PLEKHA6: variants seen among roughly 807,000 people sequenced by gnomAD.
PLEKHA6 encodes the protein pleckstrin homology domain-containing family A member 6.
A neutral mutation model predicts 116.7 loss-of-function variants in PLEKHA6; 60 were observed. That is an observed-to-expected ratio of 0.51 (90% confidence interval 0.42 to 0.64). The LOEUF (loss-of-function observed/expected upper bound fraction) is 0.64. Among genes scored for constraint, PLEKHA6 ranks in the 30% least tolerant of loss-of-function variants. The pLI is 0.00. For missense variants in PLEKHA6, 1,338 were observed against 1,422.7 expected, an observed-to-expected ratio of 0.94 and a Z score of 0.96; for synonymous variants, 489 against 556.1, an observed-to-expected ratio of 0.88 and a Z score of 1.70.
chr1:204,290,988 CAAA>C (rs34983026), intron 1 of PLEKHA6, among the ~76,000 whole-genome samples: 6 of 113,318 alleles, frequency 5.3e-5, no homozygotes, highest in Non-Finnish European at 6.9e-5. Context: ...GACCCTGTCT[CAAA>C]AAAAAAAAAA....
chr1:204,278,149 T>C (rs917298859), intron 1 of PLEKHA6, among the ~76,000 whole-genome samples: 2 of 152,240 alleles, frequency 1.3e-5, no homozygotes, highest in Non-Finnish European at 2.9e-5. Context: ...CCTTTCCTAA[T>C]GTCCTTCATG....
intron 17 of PLEKHA6, among the ~76,000 whole-genome samples, chr1:204,237,653 T>C (rs1172831705): frequency 6.6e-6 from 1 of 152,208 alleles, no homozygotes; most frequent in African/African-American, 2.4e-5. Context: ...CAAATGCTCT[T>C]TTTTCCATTC....
chr1:204,245,566 A>G (rs371499386), intron 14 of PLEKHA6, 49 bp downstream of exon 14: 8 of 1,083,336 alleles, frequency 7.4e-6, no homozygotes, highest in Non-Finnish European at 1.1e-5. Flanking sequence ...ATACTGGAGC[A>G]CTCCTGGTGA....
chr1:204,351,789 C>T (rs546575085), intron 1 of PLEKHA6, among the ~76,000 whole-genome samples: 2 of 152,292 alleles, frequency 1.3e-5, no homozygotes, highest in South Asian at 2.1e-4. Flanking sequence ...ATTCCTTCAG[C>T]TCCTGCCCTC....
At chr1:204,351,331 A>C (rs1456236763) in intron 1 of PLEKHA6, among the ~76,000 whole-genome samples, 1 of 152,138 alleles carries the variant, frequency 6.6e-6, no homozygotes, top group South Asian at 2.1e-4. Flanking sequence ...CGTCCTCCCC[A>C]GTTCCATCAC....
At chr1:204,361,864 T>A (rs964699143), upstream of PLEKHA6, among the ~76,000 whole-genome samples, 4 of 151,398 alleles carry the variant, frequency 2.6e-5, no homozygotes, top group African/African-American at 9.7e-5. Flanking sequence ...GATTACAGCA[T>A]CCCAGAGGGA....
intron 1 of PLEKHA6, among the ~76,000 whole-genome samples, chr1:204,312,430 A>G (rs1315310823): frequency 2.0e-5 from 3 of 152,192 alleles, no homozygotes; most frequent in Non-Finnish European, 4.4e-5. Context: ...CGGCAGAGTG[A>G]CACCTTTCTG....
At chr1:204,266,790 C>G (rs1437972427) in intron 5 of PLEKHA6, among the ~76,000 whole-genome samples, 5 of 152,220 alleles carry the variant, frequency 3.3e-5, no homozygotes, top group Non-Finnish European at 7.3e-5. Flanking sequence ...ATTGTACCCT[C>G]TCTCCTCTCA....
At chr1:204,348,058 C>T (rs960985344) in intron 1 of PLEKHA6, among the ~76,000 whole-genome samples, 7 of 152,166 alleles carry the variant, frequency 4.6e-5, no homozygotes, top group Non-Finnish European at 8.8e-5. Flanking sequence ...CCTAGTCGCA[C>T]ACACCCACCA....
At chr1:204,299,719 T>C (rs1234404370) in intron 1 of PLEKHA6, 9 of 726,510 alleles carry the variant, frequency 1.2e-5, no homozygotes, top group Non-Finnish European at 1.3e-5. Context: ...ATGTCTTCTT[T>C]AGAAAGGCCT....
At chr1:204,313,507 T>C (rs1325922073) in intron 1 of PLEKHA6, 1 of 941,202 alleles carries the variant, frequency 1.1e-6, no homozygotes, top group Non-Finnish European at 1.3e-6. Context: ...CAGCCAGGAG[T>C]TCAGAGCTCA....
rs115673265 is a variant in PLEKHA6, at chr1:204,341,626, G to C, written c.-95+18068C>G. Among the ~76,000 whole-genome samples the C allele has an allele frequency of 2.2e-3, 331 of 152,278 alleles. 1 individual carries two copies. Among genetic ancestry groups the C allele is most frequent in the African/African-American group, 7.5e-3 (313 of 41,538 alleles). The stretch of plus-strand genomic sequence containing the variant: ...TGCTGTGGTCTACATTTTCATCCAT[G>C]ATTTGCATAAAGACTTAGAAGGCAT... On this transcript the variant is annotated intron_variant, in intron 1 of 22. Coordinates refer to ENST00000272203, the MANE Select transcript of PLEKHA6 (RefSeq NM_014935.5).
chr1:204,373,966 C>T (rs1673822716), intron 1 of PLEKHA6, among the ~76,000 whole-genome samples: 1 of 152,120 alleles, frequency 6.6e-6, no homozygotes, highest in East Asian at 1.9e-4. Flanking sequence ...GAAAGTCAGC[C>T]AGTGCCCTCA....
Position 204,219,093 on chromosome 1 carries a change from C to G in PLEKHA6, c.*3695G>C, listed in dbSNP as rs779480876. The G allele has an allele frequency of 3.3e-5, 5 of 152,512 alleles. No homozygotes were observed. Among genetic ancestry groups the G allele is most frequent in the East Asian group, 1.9e-4 (1 of 5,188 alleles). The allele number at this position is 152,512 out of a possible 1,614,324, so 9.4% of individuals were successfully genotyped here. A position where few individuals can be genotyped will look rare whatever the true frequency, so the allele number is the denominator to read the frequency against. ...CCTGACAGAGATTCCATCTATCTAA[C>G]CTTCACCCTTCTTCTAAGGCCACTT... On this transcript the variant is annotated 3_prime_UTR_variant, in exon 23 of 23. Transcript: ENST00000272203.
chr1:204,358,871 G>A (rs922392324), intron 1 of PLEKHA6, among the ~76,000 whole-genome samples: 16 of 151,614 alleles, frequency 1.1e-4, no homozygotes, highest in Non-Finnish European at 1.9e-4. Context: ...CATTTCCCAG[G>A]AGCCTCTTCT....
At chr1:204,264,827 C>A in intron 6 of PLEKHA6, 115 bp downstream of exon 6, 1 of 804,036 alleles carries the variant, frequency 1.2e-6, no homozygotes, top group South Asian at 1.4e-5. Context: ...CTGCTATGGC[C>A]ACCACCACCT....
At chr1:204,367,477 T>G (rs529519938) in intron 3 of PLEKHA6, among the ~76,000 whole-genome samples, 2 of 152,300 alleles carry the variant, frequency 1.3e-5, no homozygotes, top group East Asian at 3.9e-4. Flanking sequence ...CCTCTGCCTG[T>G]GTGTCTAGAA....
chr1:204,225,648 C>T (rs1660245949), intron 21 of PLEKHA6, among the ~76,000 whole-genome samples: 2 of 152,204 alleles, frequency 1.3e-5, no homozygotes, highest in South Asian at 4.1e-4. Context: ...ACCACCTCCA[C>T]CAATGTATTG....
In PLEKHA6 at chr1:204,268,112, C is replaced by CA. The variant is rs1248244025; in HGVS notation, c.207+95dup. 2.7e-5 allele frequency: 20 copies of CA among 730,268 alleles called. No homozygotes were observed. In the East Asian group the frequency reaches 4.7e-4, roughly 17 times the overall value. The allele number at this position is 730,268 out of a possible 1,614,324, so 45.2% of individuals were successfully genotyped here. A position where few individuals can be genotyped will look rare whatever the true frequency, so the allele number is the denominator to read the frequency against. The stretch of plus-strand genomic sequence containing the variant: ...TCACAGAGACAGCAGGGGGACATAC[C>CA]AAAAAAATACACAGCCTGTCATAAG... On this transcript the variant is annotated intron_variant, in intron 4 of 22. Coordinates refer to ENST00000272203, the MANE Select transcript of PLEKHA6 (RefSeq NM_014935.5).
Sources: allele counts gnomAD v4.1 joint callset (sites outside exome capture counted in the v4.1 genomes callset), GRCh38; gene constraint gnomAD v4.1.1; transcripts MANE v1.5; gene names NCBI Gene and HGNC (gene_info 2026-07-23, HGNC 2026-07-21).